CDH10: variants seen among roughly 807,000 people sequenced by gnomAD.
The protein encoded by CDH10 is cadherin 10, also known as cadherin-10.
A neutral mutation model predicts 73.1 loss-of-function variants in CDH10; 30 were observed. The observed-to-expected ratio is 0.41, with a 90% CI of 0.31 to 0.56. The LOEUF is 0.56. Ranked by LOEUF, CDH10 falls within the 20% of genes least tolerant of loss-of-function variation. CDH10 has a pLI of 0.27. For missense variants in CDH10, 815 were observed against 973.7 expected (o/e 0.84, Z 2.17); for synonymous variants, 345 against 348.2 (o/e 0.99, Z 0.10).
intron 2 of CDH10, among the ~76,000 whole-genome samples, chr5:24,547,313 G>C (rs921498186): frequency 6.6e-6 from 1 of 152,216 alleles, no homozygotes; most frequent in East Asian, 1.9e-4. Context: ...AAATCATATT[G>C]CCAGGGCCAA....
chr5:24,504,971 T>C (rs554217401), intron 8 of CDH10, 141 bp downstream of exon 8: 1 of 640,488 alleles, frequency 1.6e-6, no homozygotes, highest in East Asian at 2.9e-5. Context: ...GTGTAAGTGC[T>C]GAGAAAATTA....
intron 2 of CDH10, among the ~76,000 whole-genome samples, chr5:24,585,665 C>T (rs1379190132): frequency 6.6e-6 from 1 of 152,098 alleles, no homozygotes; most frequent in Non-Finnish European, 1.5e-5. Flanking sequence ...TTCAGGTGAT[C>T]CACCTGTCTC....
intron 1 of CDH10, among the ~76,000 whole-genome samples, chr5:24,617,606 C>T (rs1256589901): frequency 6.6e-6 from 1 of 151,922 alleles, no homozygotes; most frequent in African/African-American, 2.4e-5. Flanking sequence ...TAAGAAAATA[C>T]CATTTAATAT....
intron 5 of CDH10, among the ~76,000 whole-genome samples, chr5:24,528,404 G>T (rs974125078): frequency 2.6e-5 from 4 of 151,858 alleles, no homozygotes; most frequent in Non-Finnish European, 5.9e-5. Flanking sequence ...GTAGAGGAGA[G>T]GTTGACTCTA....
intron 2 of CDH10, among the ~76,000 whole-genome samples, chr5:24,575,015 G>T (rs1349802664): frequency 6.6e-6 from 1 of 151,918 alleles, no homozygotes; most frequent in Non-Finnish European, 1.5e-5. Flanking sequence ...AATTTTTCAT[G>T]GTCACTCAAA....
chr5:24,508,452 C>T (rs1372672573), intron 7 of CDH10, among the ~76,000 whole-genome samples: 1 of 127,356 alleles, frequency 7.9e-6, no homozygotes, highest in African/African-American at 2.4e-5. Flanking sequence ...ACAGAAACCT[C>T]TCAACTTTGA....
chr5:24,505,336 C>G (rs2111729166), intron 7 of CDH10, 88 bp from the exon 8 acceptor site: 1 of 990,208 alleles, frequency 1.0e-6, no homozygotes, highest in Non-Finnish European at 1.6e-6. Flanking sequence ...ACACATATCA[C>G]TGATAATTAC....
chr5:24,584,343 T>A (rs988919756), intron 2 of CDH10, among the ~76,000 whole-genome samples: 3 of 152,036 alleles, frequency 2.0e-5, no homozygotes, highest in Non-Finnish European at 4.4e-5. Flanking sequence ...TTTTTTCTGA[T>A]TATGTATGAT....
intron 2 of CDH10, among the ~76,000 whole-genome samples, chr5:24,575,254 CAGGAG>C (rs1745553819): frequency 6.7e-6 from 1 of 149,406 alleles, no homozygotes; most frequent in Non-Finnish European, 1.5e-5. Context: ...CTTAGCTACT[CAGGAG>C]GCTGAGGCAT....
intron 2 of CDH10, among the ~76,000 whole-genome samples, chr5:24,592,695 T>C (rs1274724403): frequency 1.3e-5 from 2 of 151,874 alleles, no homozygotes; most frequent in Non-Finnish European, 2.9e-5. Context: ...TACTTGCTTT[T>C]CTTCCTATTC....
rs76806389 is a variant in CDH10 at position 24,572,542 on chromosome 5, C to A, written c.231+20718G>T. ...AATTAATATTAAATGCCCCTCCCCC[C>A]AAAAAAATCAACACTATCTTATTTA... On this transcript the variant is annotated intron_variant, in intron 2 of 11. Transcript: ENST00000264463. 8.9e-3 allele frequency among the ~76,000 whole-genome samples: 1,357 copies of A among 151,870 alleles called. 107 individuals are homozygous for A. In the East Asian group the frequency reaches 0.19, roughly 21 times the overall value.
intron 6 of CDH10, 66 bp from the exon 7 acceptor site, chr5:24,509,885 A>G (rs2111755912): frequency 1.6e-6 from 2 of 1,286,482 alleles, no homozygotes; most frequent in Non-Finnish European, 2.2e-6. Flanking sequence ...CCACCCAGTT[A>G]CAGTATGATT....
intron 1 of CDH10, among the ~76,000 whole-genome samples, chr5:24,599,842 T>C (rs1746501247): frequency 6.6e-6 from 1 of 152,124 alleles, no homozygotes; most frequent in Non-Finnish European, 1.5e-5. Flanking sequence ...TCAGCACTAA[T>C]TTTTGACTCT....
chr5:24,576,195 C>T (rs1049452477), intron 2 of CDH10, among the ~76,000 whole-genome samples: 1 of 152,036 alleles, frequency 6.6e-6, no homozygotes, highest in African/African-American at 2.4e-5. Context: ...CAGCTATAAA[C>T]CAAAATTAAA....
intron 1 of CDH10, among the ~76,000 whole-genome samples, chr5:24,640,766 C>T (rs192723307): frequency 4.7e-4 from 71 of 151,918 alleles, no homozygotes; most frequent in Non-Finnish European, 7.4e-5. Context: ...TTGCAGCTTT[C>T]CCTTTCTTTA....
rs561943909 is a variant in CDH10, at chr5:24,498,449, C to T, written c.1464G>A (p.Gln488=). The change falls in exon 9 of 12, where the codon CAG becomes CAA. Residue 488 remains glutamine, a synonymous_variant. Coordinates refer to ENST00000264463, the MANE Select transcript of CDH10 (RefSeq NM_006727.5). ...RILDVNDNAP[Q]FAVFYDTFVC... ...CAAAAGTGTCATAGAACACAGCAAA[C>T]TGTGGGGCATTGTCATTAACATCCA... The T allele has an allele frequency of 6.2e-7, 1 of 1,601,398 alleles. No individual in the cohort carries two copies. The highest frequency in any genetic ancestry group is 2.2e-5 in the East Asian group (1 of 44,760).
intron 2 of CDH10, among the ~76,000 whole-genome samples, chr5:24,545,772 T>C (rs1249473408): frequency 4.0e-5 from 6 of 151,784 alleles, no homozygotes; most frequent in Non-Finnish European, 8.8e-5. Flanking sequence ...TGAGGTATGA[T>C]CCTGCCATGA....
chr5:24,606,149 G>A (rs961540815), intron 1 of CDH10, among the ~76,000 whole-genome samples: 1 of 152,104 alleles, frequency 6.6e-6, no homozygotes, highest in African/African-American at 2.4e-5. Context: ...AAAACTGTAG[G>A]CATTTATCAA....
intron 1 of CDH10, among the ~76,000 whole-genome samples, chr5:24,603,687 C>A (rs1451035404): frequency 6.6e-6 from 1 of 151,798 alleles, no homozygotes; most frequent in Non-Finnish European, 1.5e-5. Context: ...TATAGCAGAC[C>A]CATAAAATCC....
Sources: allele counts gnomAD v4.1 joint callset (sites outside exome capture counted in the v4.1 genomes callset), GRCh38; gene constraint gnomAD v4.1.1; transcripts MANE v1.5; gene names NCBI Gene and HGNC (gene_info 2026-07-23, HGNC 2026-07-21).